MDGA2: variants seen among roughly 807,000 people sequenced by gnomAD.
The protein encoded by MDGA2 is MAM domain containing glycosylphosphatidylinositol anchor 2.
Under a neutral mutation model 117.8 loss-of-function variants are expected in MDGA2, and 40 were observed. The observed-to-expected ratio is 0.34, with a 90% CI of 0.26 to 0.44. MDGA2 has a LOEUF of 0.44. Ranked by LOEUF, MDGA2 falls within the 20% of genes least tolerant of loss-of-function variation. MDGA2 has a pLI of 1.00. For synonymous variants in MDGA2, 452 were observed against 439.0 expected, an observed-to-expected ratio of 1.03 and a Z score of -0.37; for missense variants, 1,123 against 1,250.6, an observed-to-expected ratio of 0.90 and a Z score of 1.54.
chr14:47,125,833 C>T (rs754703267), intron 5 of MDGA2, among the ~76,000 whole-genome samples: 19 of 151,820 alleles, frequency 1.3e-4, no homozygotes, highest in Non-Finnish European at 2.7e-4. Flanking sequence ...TTCATCATAA[C>T]CTCTCAAGCA....
At chr14:47,242,071 A>G (rs915989446) in intron 2 of MDGA2, among the ~76,000 whole-genome samples, 1 of 151,838 alleles carries the variant, frequency 6.6e-6, no homozygotes, top group Non-Finnish European at 1.5e-5. Flanking sequence ...GGCACTTAAT[A>G]AAACCTACTA....
intron 8 of MDGA2, among the ~76,000 whole-genome samples, chr14:46,985,393 C>T (rs953842491): frequency 6.6e-6 from 1 of 152,016 alleles, no homozygotes; most frequent in African/African-American, 2.4e-5. Flanking sequence ...TTGAAAAGAA[C>T]TGAACCGAAC....
chr14:47,090,735 G>C (rs893226475), intron 6 of MDGA2, among the ~76,000 whole-genome samples: 10 of 152,124 alleles, frequency 6.6e-5, no homozygotes, highest in Non-Finnish European at 7.4e-5. Context: ...TGGAACACTT[G>C]GCCTGGCAGT....
chr14:47,181,017 TGTAA>T (rs1289294110), intron 3 of MDGA2, among the ~76,000 whole-genome samples: 3 of 152,078 alleles, frequency 2.0e-5, no homozygotes, highest in South Asian at 2.1e-4. Context: ...TTGGTAGTAG[TGTAA>T]GTAAGTTCAA....
chr14:47,079,755 A>C (rs1292614412), intron 6 of MDGA2, among the ~76,000 whole-genome samples: 8 of 21,002 alleles, frequency 3.8e-4, no homozygotes, highest in African/African-American at 2.7e-3. Flanking sequence ...TTTTTGAGAC[A>C]GAGTCTCGCT....
chr14:46,980,560 T>A (rs1321940527), intron 8 of MDGA2, among the ~76,000 whole-genome samples: 1 of 152,178 alleles, frequency 6.6e-6, no homozygotes, highest in Non-Finnish European at 1.5e-5. Flanking sequence ...GTGGGCAAAA[T>A]GCTATCAAAC....
intron 8 of MDGA2, among the ~76,000 whole-genome samples, chr14:47,028,132 CAAGTCA>C (rs1371393451): frequency 1.3e-5 from 2 of 152,010 alleles, no homozygotes; most frequent in Non-Finnish European, 2.9e-5. Context: ...GAAAATCCTC[CAAGTCA>C]AAGCTCTCTT....
chr14:47,452,159 G>A (rs566109046), intron 1 of MDGA2, among the ~76,000 whole-genome samples: 1 of 152,124 alleles, frequency 6.6e-6, no homozygotes, highest in African/African-American at 2.4e-5. Flanking sequence ...GTATAGGCAG[G>A]TCAAAAGTTT....
At chr14:47,033,373 T>C (rs979764076) in intron 8 of MDGA2, among the ~76,000 whole-genome samples, 1 of 152,184 alleles carries the variant, frequency 6.6e-6, no homozygotes, top group African/African-American at 2.4e-5. Flanking sequence ...GAAAACTGAT[T>C]GCACTAATAG....
chr14:47,131,683 A>T (rs1300454431), intron 5 of MDGA2, 31 bp downstream of exon 5: 1 of 1,454,304 alleles, frequency 6.9e-7, no homozygotes. Context: ...TGTAGATAAG[A>T]TACATGTAAC....
intron 1 of MDGA2, among the ~76,000 whole-genome samples, chr14:47,550,412 T>C (rs1895558211): frequency 6.6e-6 from 1 of 152,234 alleles, no homozygotes; most frequent in Non-Finnish European, 1.5e-5. Context: ...TTAATATTCC[T>C]TCACTTATTT....
chr14:46,937,590 A>T (rs1018344423), intron 9 of MDGA2, among the ~76,000 whole-genome samples: 28 of 152,326 alleles, frequency 1.8e-4, no homozygotes, highest in Middle Eastern at 3.4e-3. Context: ...TAACCAAAAC[A>T]GTATGGTGCT....
At chr14:47,094,292 T>A (rs1259918645) in intron 6 of MDGA2, among the ~76,000 whole-genome samples, 4 of 152,026 alleles carry the variant, frequency 2.6e-5, no homozygotes, top group Non-Finnish European at 5.9e-5. Flanking sequence ...TAAAAAGAAA[T>A]CATAAAATTG....
rs1594952831 is a variant in MDGA2, at chr14:47,630,471, T to TA, written c.280+44045_280+44046insT. ...CATTTCAGTGACAGATAACACAAGT[T>TA]GATGATCCAAACACTTTGGTTTCAT... On this transcript the variant is annotated intron_variant, in intron 1 of 16. Coordinates refer to ENST00000399232, the MANE Select transcript of MDGA2 (RefSeq NM_001113498.3). Among the ~76,000 whole-genome samples, 6 of 152,306 alleles carry TA rather than the reference T, an allele frequency of 3.9e-5. No homozygotes were observed. In the East Asian group the frequency reaches 1.2e-3, roughly 29 times the overall value.
chr14:47,171,661 G>A (rs1312884004), intron 3 of MDGA2, among the ~76,000 whole-genome samples: 1 of 152,100 alleles, frequency 6.6e-6, no homozygotes, highest in African/African-American at 2.4e-5. Context: ...ATTTGGAGAG[G>A]GCAGCCAAGA....
chr14:47,085,891 G>GTT (rs1890877295), intron 6 of MDGA2, among the ~76,000 whole-genome samples: 1 of 151,920 alleles, frequency 6.6e-6, no homozygotes, highest in Non-Finnish European at 1.5e-5. Context: ...CTTCTCCTGA[G>GTT]TTATTTAAAA....
intron 9 of MDGA2, among the ~76,000 whole-genome samples, chr14:46,933,479 T>C (rs1884657610): frequency 6.6e-6 from 1 of 151,790 alleles, no homozygotes; most frequent in Admixed American, 6.6e-5. Flanking sequence ...GTCTATATAA[T>C]ATACCTATCA....
intron 9 of MDGA2, among the ~76,000 whole-genome samples, chr14:46,945,027 T>C (rs754251899): frequency 2.2e-4 from 33 of 152,230 alleles, no homozygotes; most frequent in Non-Finnish European, 4.6e-4. Context: ...GGTAATTTTT[T>C]ATTGTTTAAT....
At chr14:46,893,295 C>G (rs1301647796) in intron 10 of MDGA2, among the ~76,000 whole-genome samples, 2 of 151,604 alleles carry the variant, frequency 1.3e-5, no homozygotes, top group South Asian at 4.2e-4. Flanking sequence ...TAAAACAAAA[C>G]AAAACAAAAA....
Sources: allele counts gnomAD v4.1 joint callset (sites outside exome capture counted in the v4.1 genomes callset), GRCh38; gene constraint gnomAD v4.1.1; transcripts MANE v1.5; gene names NCBI Gene and HGNC (gene_info 2026-07-23, HGNC 2026-07-21).